PCDHGA4: variants seen among roughly 807,000 people sequenced by gnomAD.
The protein encoded by PCDHGA4 is protocadherin gamma subfamily A, 4, also known as protocadherin gamma-A4.
A neutral mutation model predicts 54.6 loss-of-function variants in PCDHGA4; 38 were observed. The ratio of observed to expected loss-of-function variants is 0.70; its 90% confidence interval spans 0.54 to 0.91. PCDHGA4 has a LOEUF of 0.91. Ranked by LOEUF, PCDHGA4 falls within the 40% of genes least tolerant of loss-of-function variation. The pLI is 0.00. For missense variants in PCDHGA4, 1,298 were observed against 1,220.9 expected, an observed-to-expected ratio of 1.06 and a Z score of -0.94; for synonymous variants, 511 against 512.9, an observed-to-expected ratio of 1.00 and a Z score of 0.05.
chr5:141,427,319 G>T (rs1184530487), intron 1 of PCDHGA4: 4 of 456,958 alleles, frequency 8.8e-6, no homozygotes, highest in African/African-American at 8.0e-5. Flanking sequence ...CCCCAGACGT[G>T]GTTTTTACTT....
intron 1 of PCDHGA4, chr5:141,478,893 T>G (rs1469313900): frequency 1.8e-6 from 2 of 1,102,894 alleles, no homozygotes; most frequent in Admixed American, 3.1e-5. Flanking sequence ...TCATTTACAT[T>G]AGGAATAAGC....
At chr5:141,449,818 A>G (rs1446661913) in intron 1 of PCDHGA4, among the ~76,000 whole-genome samples, 2 of 151,708 alleles carry the variant, frequency 1.3e-5, no homozygotes, top group Non-Finnish European at 2.9e-5. Flanking sequence ...GTATTTCCTA[A>G]CAAGGACATT....
Position 141,355,212 on chromosome 5 carries a change from T to C in PCDHGA4, c.105T>C (p.Pro35=). The C allele has an allele frequency of 6.2e-7, 1 of 1,600,656 alleles. No homozygotes were observed. Residue 35 remains proline (P), a synonymous_variant, in exon 1 of 4, where the codon CCT becomes CCC. Coordinates refer to ENST00000571252, the MANE Select transcript of PCDHGA4 (RefSeq NM_018917.4). ...GCGGCGGGGTTGTAATGGCGGCGCC[T>C]CCTGCTCGCCCAGACCACACCCGGC... The part of the protein sequence containing the change: ...RLRGGVVMAA[P]PARPDHTRLL...
chr5:141,384,822 C>T (rs149266522), intron 1 of PCDHGA4: 80 of 1,613,436 alleles, frequency 5.0e-5, no homozygotes, highest in Admixed American at 3.2e-4. Flanking sequence ...TCAAGCAGAG[C>T]CTCGTGGTGG....
chr5:141,371,824 C>G, intron 1 of PCDHGA4: 1 of 1,613,844 alleles, frequency 6.2e-7, no homozygotes, highest in Non-Finnish European at 8.5e-7. Flanking sequence ...GTCAGAGCCT[C>G]GGATCCCGAC....
chr5:141,483,501 G>T (rs1022338958), intron 1 of PCDHGA4, among the ~76,000 whole-genome samples: 1 of 150,394 alleles, frequency 6.6e-6, no homozygotes, highest in Non-Finnish European at 1.5e-5. Flanking sequence ...ATGAGTCAAG[G>T]CTGATCCCCC....
At chr5:141,488,069 C>T (rs1197698273) in intron 1 of PCDHGA4, among the ~76,000 whole-genome samples, 1 of 152,072 alleles carries the variant, frequency 6.6e-6, no homozygotes, top group Non-Finnish European at 1.5e-5. Context: ...ATCTTTGTCT[C>T]CCAGTATCTA....
intron 1 of PCDHGA4, chr5:141,366,452 G>A (rs1764567762): frequency 3.7e-6 from 6 of 1,614,196 alleles, no homozygotes; most frequent in East Asian, 4.5e-5. Flanking sequence ...CCTGGCCTTC[G>A]TCATCGTGCT....
intron 1 of PCDHGA4, among the ~76,000 whole-genome samples, chr5:141,459,812 A>G (rs1390780491): frequency 1.3e-5 from 2 of 152,232 alleles, no homozygotes; most frequent in South Asian, 2.1e-4. Context: ...GACTAGAGAC[A>G]CTGAGCAACT....
chr5:141,370,634 A>G, intron 1 of PCDHGA4: 1 of 1,613,970 alleles, frequency 6.2e-7, no homozygotes, highest in South Asian at 1.1e-5. Context: ...TGAGCCCCGA[A>G]AATGGGAACT....
chr5:141,408,058 G>A, intron 1 of PCDHGA4: 1 of 1,316,270 alleles, frequency 7.6e-7, no homozygotes. Flanking sequence ...GAGCCTCCCG[G>A]CTGCGCAGAC....
intron 1 of PCDHGA4, chr5:141,385,185 C>T: frequency 1.2e-6 from 2 of 1,614,214 alleles, no homozygotes; most frequent in African/African-American, 1.3e-5. Context: ...TCACCGCGGA[C>T]TCTCGGAAGA....
At chr5:141,405,309 A>T (rs1019536231) in intron 1 of PCDHGA4, 2 of 1,614,068 alleles carry the variant, frequency 1.2e-6, no homozygotes, top group Non-Finnish European at 1.7e-6. Context: ...CAGAGCTGTG[A>T]GAAAAATGAG....
rs769467027 is a variant in PCDHGA4, at chr5:141,477,255, A to G, written c.2515-17552A>G. On this transcript the variant is annotated intron_variant, in intron 1 of 3. Transcript: ENST00000571252. This position sits in a 1 kb window ranked among gnomAD's most constrained non-coding sequence, Gnocchi z 4.9. ...GCTTTGCTCAGTGTGACTGACCTGGATGCTGGCGAGAACGGGCTGGTGACC... is the reference window on the plus strand; with the variant it reads ...GCTTTGCTCAGTGTGACTGACCTGGGTGCTGGCGAGAACGGGCTGGTGACC... 1 of 1,614,146 alleles carries G rather than the reference A, an allele frequency of 6.2e-7. No individual in the cohort carries two copies. Among genetic ancestry groups the G allele is most frequent in the East Asian group, 2.2e-5 (1 of 44,874 alleles).
chr5:141,478,097 A>G lies in PCDHGA4; in HGVS notation c.2515-16710A>G, dbSNP rs757796085. Reference sequence around the variant, plus strand: ...GGAGCCTTCGCTCTCCACCACTGCTACCCTCACTGTGTCAGTAACCGAGGA... The same window carrying G: ...GGAGCCTTCGCTCTCCACCACTGCTGCCCTCACTGTGTCAGTAACCGAGGA... On this transcript the variant is annotated intron_variant, in intron 1 of 3. Transcript: ENST00000571252. 9.9e-6 allele frequency: 16 copies of G among 1,613,666 alleles called. No homozygotes were observed. Among genetic ancestry groups the G allele is most frequent in the Admixed American group, 1.7e-5 (1 of 59,970 alleles).
At chr5:141,362,573 T>A in intron 1 of PCDHGA4, 1 of 1,605,780 alleles carries the variant, frequency 6.2e-7, no homozygotes, top group South Asian at 1.1e-5. Flanking sequence ...TTTAATTAAT[T>A]TATTTTCACT....
At chr5:141,364,892 G>A in intron 1 of PCDHGA4, 1 of 1,613,984 alleles carries the variant, frequency 6.2e-7, no homozygotes, top group South Asian at 1.1e-5. Flanking sequence ...CGGAACTGAT[G>A]GACAAAAGTA....
intron 1 of PCDHGA4, chr5:141,441,662 C>T: frequency 3.8e-6 from 1 of 260,740 alleles, no homozygotes; most frequent in Non-Finnish European, 7.7e-6. Flanking sequence ...TGTCCTTGAG[C>T]GCACAGTGCG....
intron 1 of PCDHGA4, among the ~76,000 whole-genome samples, chr5:141,464,077 C>T (rs891173261): frequency 1.3e-5 from 2 of 151,950 alleles, no homozygotes; most frequent in African/African-American, 4.8e-5. Context: ...CCAGCCTGGC[C>T]AACATGGTGA....
Sources: gnomAD v4.1 joint callset for allele counts (sites outside exome capture counted in the v4.1 genomes callset) on GRCh38, gnomAD v4.1.1 for gene constraint, Gnocchi (gnomAD v3.1) non-coding constraint, MANE v1.5 for transcripts, NCBI Gene and HGNC (gene_info 2026-07-23, HGNC 2026-07-21) for gene names.